Variants in ZDHHC11 observed in about 807,000 individuals in gnomAD.
ZDHHC11 encodes the protein palmitoyltransferase ZDHHC11.
ZDHHC11 carries 44 observed loss-of-function variants against 51.3 expected under a neutral mutation model. The ratio of observed to expected loss-of-function variants is 0.86; its 90% CI spans 0.67 to 1.10. The LOEUF (loss-of-function observed/expected upper bound fraction) is 1.10. Ranked by LOEUF, ZDHHC11 falls within the 50% of genes least tolerant of loss-of-function variation. The pLI is 0.00. For missense variants in ZDHHC11, 400 were observed against 537.7 expected (o/e 0.74, Z 2.53); for synonymous variants, 163 against 222.0 (o/e 0.73, Z 2.36).
intron 11 of ZDHHC11, among the ~76,000 whole-genome samples, chr5:810,589 G>C (rs993949254): frequency 6.6e-6 from 1 of 151,304 alleles, no homozygotes; most frequent in Non-Finnish European, 1.5e-5. Context: ...GCTAGAAACA[G>C]ATGTTTGTAA....
At chr5:813,575 G>A (rs1282955254) in intron 11 of ZDHHC11, among the ~76,000 whole-genome samples, 47 of 148,028 alleles carry the variant, frequency 3.2e-4, no homozygotes, top group African/African-American at 1.1e-3. Flanking sequence ...AATGTCGGCC[G>A]TGTCACTGGG....
chr5:828,246 G>A (rs1742570718), intron 7 of ZDHHC11, among the ~76,000 whole-genome samples: 2 of 151,548 alleles, frequency 1.3e-5, no homozygotes, highest in East Asian at 3.9e-4. Context: ...TCAGTGAGCT[G>A]TTGGGTACAC....
Position 840,225 on chromosome 5 carries a change from C to G in ZDHHC11, c.784+270G>C, listed in dbSNP as rs3822812. 5.1e-3 allele frequency: 3,614 copies of G among 705,588 alleles called. 100 individuals carry two copies. The highest frequency in any genetic ancestry group is 0.049 in the African/African-American group (2,774 of 56,694). The allele number at this position is 705,588 out of a possible 1,614,324, so 43.7% of individuals were successfully genotyped here. On this transcript the variant is annotated intron_variant, in intron 5 of 12. Transcript: ENST00000283441. ...AACTTGTTACTTCAAGCACCTGGCA[C>G]CACTCCTGCAGGTCTCGGCGTGAGT...
chr5:853,875 C>T (rs1747706507), upstream of ZDHHC11, among the ~76,000 whole-genome samples: 1 of 149,512 alleles, frequency 6.7e-6, no homozygotes, highest in Admixed American at 6.7e-5. Context: ...GGGGACAGAC[C>T]CCACAGAGGA....
At chr5:834,239 T>C (rs1167561274) in intron 6 of ZDHHC11, among the ~76,000 whole-genome samples, 1 of 152,304 alleles carries the variant, frequency 6.6e-6, no homozygotes, top group East Asian at 1.9e-4. Context: ...TGATGTAGAA[T>C]GATGTTGAGC....
rs1332433163 is a variant in ZDHHC11 at position 842,558 on chromosome 5, C to T, written c.628+1042G>A. The T allele has an allele frequency of 4.2e-4, 410 of 985,982 alleles. No individual in the cohort carries two copies. In the African/African-American group the frequency reaches 6.7e-3, roughly 16 times the overall value. 61.1% of individuals were successfully genotyped at this position (985,982 alleles called of 1,614,324 possible). ...GGCAGGCAAGTCCTCCCTGTCTCGCCACCCGGGCTGTGTGCAGTGCGGGTG... is the reference window on the plus strand; with the variant it reads ...GGCAGGCAAGTCCTCCCTGTCTCGCTACCCGGGCTGTGTGCAGTGCGGGTG... On this transcript the variant is annotated intron_variant, in intron 4 of 12. Transcript: ENST00000283441.
At position 840,445 on chromosome 5, in the gene ZDHHC11, T is replaced by A. The variant is rs371836428; in HGVS notation, c.784+50A>T. On this transcript the variant is annotated intron_variant, in intron 5 of 12. Transcript: ENST00000283441. The stretch of plus-strand genomic sequence containing the variant: ...CAAGTAGAGGTGTAAGATGAGCAGC[T>A]CTGACCACCCAGCCTTGGGGGGATC... 1.9e-6 allele frequency: 3 copies of A among 1,612,154 alleles called. No homozygotes were observed. In the African/African-American group the frequency reaches 4.0e-5, roughly 22 times the overall value.
chr5:812,578 G>C (rs2150313556), intron 11 of ZDHHC11, among the ~76,000 whole-genome samples: 1 of 151,398 alleles, frequency 6.6e-6, no homozygotes, highest in South Asian at 2.1e-4. Flanking sequence ...GTGCTGAAAA[G>C]GGTGAGGAAA....
In ZDHHC11 at chr5:819,597, G is replaced by T. The variant is rs1205933798; in HGVS notation, c.1074C>A (p.Asn358Lys). Residue 358 changes from asparagine to lysine, a missense_variant, in exon 10 of 13, where the codon AAC (asparagine) becomes AAA (lysine). Around this residue, in one of 5 missense-constraint regions of ZDHHC11, gnomAD observed 231 missense variants for 227.4 expected, o/e 1.02. Transcript: ENST00000283441. ...ACAGGCGCCTGCAAATCAGCCGGGA[G>T]TTCCTGGCCTTGGCTCTGGTGGGGC... ...CPSALGAKAR[N>K]SRLICRRLCQ... 2 of 1,609,626 alleles carry T rather than the reference G, an allele frequency of 1.2e-6. No homozygotes were observed. The highest frequency in any genetic ancestry group is 1.3e-5 in the African/African-American group (1 of 74,858).
At chr5:801,277 T>C (rs1194838638) in intron 11 of ZDHHC11, 113 bp from the exon 12 acceptor site, 2 of 1,362,646 alleles carry the variant, frequency 1.5e-6, no homozygotes, top group Admixed American at 2.0e-5. Context: ...GATTAGCTTG[T>C]GACGTGGGCA....
In ZDHHC11 at chr5:801,315, C is replaced by T; in HGVS notation, c.1182-151G>A. The stretch of plus-strand genomic sequence containing the variant: ...CACTTCACCTCTCTGAGTTTCAGAG[C>T]CTTCATTTTTGTGAAAACAGTAACA... On this transcript the variant is annotated intron_variant, in intron 11 of 12. Transcript: ENST00000283441. The T allele has an allele frequency of 3.9e-6, 4 of 1,015,490 alleles. No homozygotes were observed. The East Asian group carries it at 7.7e-5, about 20-fold the overall frequency. 62.9% of individuals were successfully genotyped at this position (1,015,490 alleles called of 1,614,324 possible).
chr5:850,278 C>T, intron 1 of ZDHHC11, 103 bp downstream of exon 1: 5 of 1,340,638 alleles, frequency 3.7e-6, no homozygotes, highest in Admixed American at 2.1e-5. Flanking sequence ...GGGCAGGTGA[C>T]TGGTGCCACC....
chr5:805,607 T>C, intron 11 of ZDHHC11, among the ~76,000 whole-genome samples: 1 of 150,998 alleles, frequency 6.6e-6, no homozygotes, highest in African/African-American at 2.4e-5. Flanking sequence ...TGGGCAGGAA[T>C]TGAGAAATAA....
chr5:821,012 A>G (rs1482431458), intron 9 of ZDHHC11: 1 of 151,414 alleles, frequency 6.6e-6, no homozygotes, highest in African/African-American at 2.4e-5. Flanking sequence ...ACATGAGGTG[A>G]AAACCAACAG....
chr5:841,930 AAC>A, intron 4 of ZDHHC11: 6 of 989,038 alleles, frequency 6.1e-6, no homozygotes, highest in Non-Finnish European at 7.2e-6. Flanking sequence ...CTAGAAGGCA[AAC>A]ACCACACTCA....
At chr5:836,524 C>G (rs930244179) in intron 6 of ZDHHC11, among the ~76,000 whole-genome samples, 1 of 149,992 alleles carries the variant, frequency 6.7e-6, no homozygotes, top group Non-Finnish European at 1.5e-5. Flanking sequence ...GGAAGTGTTG[C>G]TTCCTTCTCT....
In ZDHHC11 at chr5:850,652, C is replaced by T. The variant is rs1449398704; in HGVS notation, c.-50G>A. ...CTGCGCCGTCAGATCCTGGGAGGGC[C>T]GGCCCCGCCCACTGTCACAGAGACC... On this transcript the variant is annotated 5_prime_UTR_variant, in exon 1 of 13. Transcript: ENST00000283441. The T allele has an allele frequency of 7.6e-6, 12 of 1,589,314 alleles. No individual in the cohort carries two copies. The highest frequency in any genetic ancestry group is 2.2e-5 in the East Asian group (1 of 44,520).
chr5:856,658 C>T (rs1030120521), intron 1 of ZDHHC11, among the ~76,000 whole-genome samples: 4 of 151,416 alleles, frequency 2.6e-5, no homozygotes, highest in Non-Finnish European at 4.4e-5. Flanking sequence ...ACACACTGCA[C>T]GTGCACCACG....
At chr5:839,449 C>G (rs1744412696) in intron 5 of ZDHHC11, 1 of 143,502 alleles carries the variant, frequency 7.0e-6, no homozygotes, top group African/African-American at 2.7e-5. Context: ...ACATTCAGCT[C>G]TGTGTCCGTA....
Sources: allele counts gnomAD v4.1 joint callset (sites outside exome capture counted in the v4.1 genomes callset), GRCh38; gene constraint gnomAD v4.1.1; regional missense constraint gnomAD v4.1.1; transcripts MANE v1.5; gene names NCBI Gene and HGNC (gene_info 2026-07-23, HGNC 2026-07-21).